MLXIP: variants seen among roughly 807,000 people sequenced by gnomAD.
MLXIP encodes the protein MLX interacting protein, also known as MLX-interacting protein.
A neutral mutation model predicts 87.2 loss-of-function variants in MLXIP; 30 were observed. That is an observed-to-expected ratio of 0.34 (90% CI 0.26 to 0.47). MLXIP has a LOEUF of 0.47. MLXIP is among the 20% of genes least tolerant of loss of function. The pLI is 1.00. For synonymous variants in MLXIP, 530 were observed against 514.0 expected (o/e 1.03, Z -0.42); for missense variants, 1,002 against 1,240.1 (o/e 0.81, Z 2.88).
intron 1 of MLXIP, among the ~76,000 whole-genome samples, chr12:122,092,182 C>G (rs1279571720): frequency 6.6e-6 from 1 of 151,990 alleles, no homozygotes; most frequent in Non-Finnish European, 1.5e-5. Flanking sequence ...ATTGCAACCT[C>G]CACATCCTGG....
At chr12:122,087,507 G>A (rs897456677) in intron 1 of MLXIP, among the ~76,000 whole-genome samples, 10 of 152,174 alleles carry the variant, frequency 6.6e-5, no homozygotes, top group African/African-American at 1.9e-4. Context: ...CACGATGGTC[G>A]TTCCAGGTGC....
intron 15 of MLXIP, among the ~76,000 whole-genome samples, chr12:122,140,652 C>T (rs868554225): frequency 9.2e-5 from 14 of 152,264 alleles, no homozygotes; most frequent in Middle Eastern, 3.4e-3. Context: ...TATGTAAGAA[C>T]GATTTTGATC....
intron 4 of MLXIP, 121 bp from the exon 5 acceptor site, chr12:122,129,467 C>G: frequency 8.5e-7 from 1 of 1,180,908 alleles, no homozygotes; most frequent in Non-Finnish European, 1.2e-6. Context: ...GTGCAGGCAT[C>G]GGCCTGGGGA....
intron 1 of MLXIP, among the ~76,000 whole-genome samples, chr12:122,080,579 C>T (rs2135884767): frequency 6.6e-6 from 1 of 152,284 alleles, no homozygotes; most frequent in African/African-American, 2.4e-5. Flanking sequence ...CCCCTATTTC[C>T]TCTCTTGAAG....
At chr12:122,101,961 G>A (rs532201621) in intron 1 of MLXIP, among the ~76,000 whole-genome samples, 24 of 152,262 alleles carry the variant, frequency 1.6e-4, no homozygotes, top group African/African-American at 5.5e-4. Flanking sequence ...ATGGTGTGAG[G>A]TAAGGGTTGT....
intron 1 of MLXIP, among the ~76,000 whole-genome samples, chr12:122,112,611 C>T (rs1036805998): frequency 6.6e-6 from 1 of 150,984 alleles, no homozygotes; most frequent in South Asian, 2.1e-4. Context: ...CGTGCCACTG[C>T]ACTCCAGCCT....
chr12:122,083,510 G>A (rs1030948233), intron 1 of MLXIP, among the ~76,000 whole-genome samples: 2 of 151,986 alleles, frequency 1.3e-5, no homozygotes, highest in East Asian at 3.9e-4. Flanking sequence ...TGCCTCCTGA[G>A]TTCAAGTGAT....
intron 1 of MLXIP, among the ~76,000 whole-genome samples, chr12:122,085,142 A>C (rs540514419): frequency 3.3e-5 from 5 of 151,810 alleles, no homozygotes; most frequent in Admixed American, 1.3e-4. Context: ...GGTCCACTCC[A>C]TGTCTCTCTG....
intron 1 of MLXIP, among the ~76,000 whole-genome samples, chr12:122,121,009 G>GTTTTTTTT (rs776332981): frequency 0.047 from 4,740 of 101,456 alleles, 632 homozygotes; most frequent in African/African-American, 0.072. Flanking sequence ...CTGCATGCTT[G>GTTTTTTTT]GTTTTTTTTT....
At chr12:122,101,562 ATTTATTTT>A (rs1352674498) in intron 1 of MLXIP, among the ~76,000 whole-genome samples, 2 of 122,146 alleles carry the variant, frequency 1.6e-5, no homozygotes, top group East Asian at 2.3e-4. Flanking sequence ...TTATTTATTT[ATTTATTTT>A]TTTCTTTTTT....
Position 122,137,652 on chromosome 12 carries a change from A to T in MLXIP, c.2154+62A>T. On this transcript the variant is annotated intron_variant, in intron 12 of 16. Coordinates refer to ENST00000319080, the MANE Select transcript of MLXIP (RefSeq NM_014938.6). The surrounding 1 kb of genome is among the most constrained non-coding windows in gnomAD (Gnocchi z 4.1). The stretch of plus-strand genomic sequence containing the variant: ...GGGAGAGGAGTGCAGGACATCAAGG[A>T]TCTGTGTCTTGTCTGGAACGGAGAC... 1 of 1,554,762 alleles carries T rather than the reference A, an allele frequency of 6.4e-7. No homozygotes were observed. The highest frequency in any genetic ancestry group is 1.2e-5 in the South Asian group (1 of 85,930).
intron 1 of MLXIP, among the ~76,000 whole-genome samples, chr12:122,105,626 C>T (rs1012838728): frequency 2.6e-5 from 4 of 152,044 alleles, no homozygotes; most frequent in African/African-American, 7.2e-5. Flanking sequence ...AGTGAGCCAC[C>T]GCGCTCGGCT....
chr12:122,079,364 T>C (rs1197371825), intron 1 of MLXIP, 98 bp downstream of exon 1: 4 of 1,076,428 alleles, frequency 3.7e-6, no homozygotes, highest in East Asian at 2.7e-5. Flanking sequence ...CGTGGCTTCA[T>C]GCATTCCCTT....
At chr12:122,139,425 G>T (rs1312870322) in intron 15 of MLXIP, among the ~76,000 whole-genome samples, 1 of 152,214 alleles carries the variant, frequency 6.6e-6, no homozygotes, top group African/African-American at 2.4e-5. Context: ...AGGCCACCTT[G>T]CACTCAGCCT....
chr12:122,079,817 A>G (rs1250299920), intron 1 of MLXIP, among the ~76,000 whole-genome samples: 1 of 152,216 alleles, frequency 6.6e-6, no homozygotes, highest in Non-Finnish European at 1.5e-5. Context: ...GGCCAGAGTT[A>G]GGTGTCCCTG....
chr12:122,096,624 G>A (rs1028564397), intron 1 of MLXIP, among the ~76,000 whole-genome samples: 1 of 152,206 alleles, frequency 6.6e-6, no homozygotes, highest in Non-Finnish European at 1.5e-5. Flanking sequence ...TTCTGAGTCC[G>A]GGAGTGGAAG....
intron 1 of MLXIP, among the ~76,000 whole-genome samples, chr12:122,098,962 G>T (rs765334925): frequency 5.3e-5 from 8 of 152,256 alleles, no homozygotes; most frequent in African/African-American, 7.2e-5. Flanking sequence ...GAGCAGCTGG[G>T]CGTGGTGGCT....
intron 2 of MLXIP, 27 bp from the exon 3 acceptor site, chr12:122,127,856 G>T (rs759008590): frequency 3.7e-6 from 6 of 1,604,190 alleles, no homozygotes; most frequent in Non-Finnish European, 5.1e-6. Flanking sequence ...GGATCATGGT[G>T]CTGACTCTCA....
intron 1 of MLXIP, among the ~76,000 whole-genome samples, chr12:122,112,820 G>A (rs1448273606): frequency 6.6e-6 from 1 of 152,170 alleles, no homozygotes; most frequent in East Asian, 1.9e-4. Context: ...CATCATCCCT[G>A]TACATTCATT....
Sources: gnomAD v4.1 joint callset for allele counts (sites outside exome capture counted in the v4.1 genomes callset) on GRCh38, gnomAD v4.1.1 for gene constraint, Gnocchi (gnomAD v3.1) non-coding constraint, MANE v1.5 for transcripts, NCBI Gene and HGNC (gene_info 2026-07-23, HGNC 2026-07-21) for gene names.